CDK7: variants seen among roughly 807,000 people sequenced by gnomAD.
CDK7 encodes cyclin dependent kinase 7.
In CDK7, 25 loss-of-function variants were observed where a neutral mutation model predicts 49.1. The ratio of observed to expected loss-of-function variants is 0.51; its 90% CI spans 0.37 to 0.71. The LOEUF (loss-of-function observed/expected upper bound fraction) is 0.71. Ranked by LOEUF, CDK7 falls within the 30% of genes least tolerant of loss-of-function variation. CDK7 has a pLI of 0.00. For synonymous variants in CDK7, 107 were observed against 140.0 expected, an observed-to-expected ratio of 0.76 and a Z score of 1.67; for missense variants, 316 against 411.7, an observed-to-expected ratio of 0.77 and a Z score of 2.01.
intron 2 of CDK7, among the ~76,000 whole-genome samples, chr5:69,238,765 C>G (rs1749177937): frequency 6.6e-6 from 1 of 150,924 alleles, no homozygotes; most frequent in South Asian, 2.1e-4. Flanking sequence ...TCAAGCAGTT[C>G]TCCTGCCGCA....
chr5:69,250,750 T>G (rs1441801418), intron 2 of CDK7: 1 of 456,672 alleles, frequency 2.2e-6, no homozygotes, highest in Non-Finnish European at 4.4e-6. Context: ...AACAGGAGTC[T>G]CTGCTGGTAG....
chr5:69,269,950 TG>T (rs1219703107), intron 9 of CDK7, among the ~76,000 whole-genome samples: 1 of 149,422 alleles, frequency 6.7e-6, no homozygotes, highest in African/African-American at 2.5e-5. Flanking sequence ...TTAAACTTCT[TG>T]GTGGGTGCGA....
At chr5:69,237,269 T>C (rs1224451641) in intron 2 of CDK7, among the ~76,000 whole-genome samples, 1 of 152,064 alleles carries the variant, frequency 6.6e-6, no homozygotes, top group Non-Finnish European at 1.5e-5. Context: ...CCTGGCCTAG[T>C]CATCTTTTTA....
chr5:69,264,933 T>C (rs1246403379), intron 8 of CDK7, among the ~76,000 whole-genome samples: 1 of 150,586 alleles, frequency 6.6e-6, no homozygotes. Context: ...ATCACACCAT[T>C]GCACTCCAGC....
chr5:69,252,387 A>G (rs558994712), intron 2 of CDK7, 31 bp from the exon 3 acceptor site: 3 of 1,330,040 alleles, frequency 2.3e-6, no homozygotes, highest in Admixed American at 4.2e-5. Flanking sequence ...CACATTTTTA[A>G]TATATTTGGG....
chr5:69,262,668 CA>C (rs35645434), intron 8 of CDK7, among the ~76,000 whole-genome samples: 131 of 113,536 alleles, frequency 1.2e-3, no homozygotes, highest in Admixed American at 3.3e-3. Flanking sequence ...GGCTCCATCT[CA>C]AAAAAAAAAA....
At chr5:69,250,863 A>C in intron 2 of CDK7, 1 of 456,660 alleles carries the variant, frequency 2.2e-6, no homozygotes, top group Non-Finnish European at 4.4e-6. Context: ...CTGATTATTC[A>C]GGGCCCAGGG....
chr5:69,248,802 C>CTTTTTTTTTTT (rs70992911), intron 2 of CDK7, among the ~76,000 whole-genome samples: 16 of 92,270 alleles, frequency 1.7e-4, no homozygotes, highest in Admixed American at 4.2e-4. Context: ...TTTTTTTTTT[C>CTTTTTTTTTTT]TTTTTTTTTT....
chr5:69,276,707 T>C lies in CDK7; in HGVS notation c.1012+17T>C, dbSNP rs1209148710. 6.2e-7 allele frequency: 1 copy of C among 1,602,196 alleles called. No homozygotes were observed. The highest frequency in any genetic ancestry group is 1.1e-5 in the South Asian group (1 of 89,390). ...TAGAACAAGGTAAGATTCCCACTTT[T>C]AAAAGAAATTAAATGAATTTAGAAA... On this transcript the variant is annotated intron_variant, in intron 11 of 11. Transcript: ENST00000256443.
In CDK7 at chr5:69,272,887, T is replaced by A. The variant is rs766087829; in HGVS notation, c.715-5T>A. 6.4e-7 allele frequency: 1 copy of A among 1,551,146 alleles called. No homozygotes were observed. Among genetic ancestry groups the A allele is most frequent in the Non-Finnish European group, 8.7e-7 (1 of 1,143,876 alleles). On this transcript the variant is annotated splice_polypyrimidine_tract_variant and splice_region_variant and intron_variant, in intron 9 of 11. Transcript: ENST00000256443. ...TAAGTTTGAATTACAAAATTATTTT[T>A]ACAGGACATGTGTAGTCTTCCAGAT...
chr5:69,253,406 A>G (rs1750278849), intron 3 of CDK7, among the ~76,000 whole-genome samples: 1 of 152,088 alleles, frequency 6.6e-6, no homozygotes, highest in South Asian at 2.1e-4. Context: ...CTAGGATTAC[A>G]GGTGCACACC....
chr5:69,262,679 AAAAAG>A (rs925912728), intron 8 of CDK7, among the ~76,000 whole-genome samples: 22 of 151,220 alleles, frequency 1.5e-4, no homozygotes, highest in Middle Eastern at 3.4e-3. Flanking sequence ...AAAAAAAAAA[AAAAAG>A]AAAAAGAAAA....
chr5:69,245,176 T>A (rs1749655196), intron 2 of CDK7, among the ~76,000 whole-genome samples: 1 of 152,118 alleles, frequency 6.6e-6, no homozygotes, highest in South Asian at 2.1e-4. Context: ...GGTATCAGGG[T>A]AATACTGGCC....
At chr5:69,246,148 G>GT in intron 2 of CDK7, among the ~76,000 whole-genome samples, 1 of 151,812 alleles carries the variant, frequency 6.6e-6, no homozygotes, top group Non-Finnish European at 1.5e-5. Context: ...TTGTTTGTTT[G>GT]TTTTTTGAGA....
At chr5:69,268,163 A>T (rs752844027) in intron 8 of CDK7, among the ~76,000 whole-genome samples, 1 of 152,094 alleles carries the variant, frequency 6.6e-6, no homozygotes, top group Non-Finnish European at 1.5e-5. Flanking sequence ...GGGTTTCAGC[A>T]TGTTGGCCAG....
At chr5:69,245,147 T>A (rs1279410226) in intron 2 of CDK7, among the ~76,000 whole-genome samples, 1 of 152,088 alleles carries the variant, frequency 6.6e-6, no homozygotes, top group Non-Finnish European at 1.5e-5. Flanking sequence ...CTTACTTTGA[T>A]GTGTCTTTGT....
chr5:69,246,571 C>A (rs1389354435), intron 2 of CDK7, among the ~76,000 whole-genome samples: 1 of 151,932 alleles, frequency 6.6e-6, no homozygotes, highest in Non-Finnish European at 1.5e-5. Context: ...TTTTGTTGAT[C>A]TTTTGTATTT....
intron 2 of CDK7, among the ~76,000 whole-genome samples, chr5:69,240,997 A>G (rs1749333074): frequency 6.6e-6 from 1 of 152,152 alleles, no homozygotes; most frequent in Non-Finnish European, 1.5e-5. Flanking sequence ...TTGTTGACAG[A>G]CGCATAGATT....
At chr5:69,276,840 C>T in intron 11 of CDK7, 150 bp downstream of exon 11, 1 of 759,978 alleles carries the variant, frequency 1.3e-6, no homozygotes, top group Non-Finnish European at 2.1e-6. Context: ...AGAGACTGTG[C>T]CGTTTTAGGT....
Sources: allele counts gnomAD v4.1 joint callset (sites outside exome capture counted in the v4.1 genomes callset), GRCh38; gene constraint gnomAD v4.1.1; transcripts MANE v1.5; gene names NCBI Gene and HGNC (gene_info 2026-07-23, HGNC 2026-07-21).